The following ELF2 variants were observed in gnomAD, a reference collection of about 807,000 sequenced individuals.
The protein encoded by ELF2 is ETS-related transcription factor Elf-2.
Under a neutral mutation model 54.8 loss-of-function variants are expected in ELF2, and 11 were observed. That is an observed-to-expected ratio of 0.20 (90% CI 0.13 to 0.33). The LOEUF (loss-of-function observed/expected upper bound fraction) is 0.33. Ranked by LOEUF, ELF2 falls within the 10% of genes least tolerant of loss-of-function variation. The pLI is 1.00. For missense variants in ELF2, 513 were observed against 703.0 expected (o/e 0.73, Z 3.06); for synonymous variants, 203 against 245.1 (o/e 0.83, Z 1.61).
rs376710076 is a variant in ELF2, at chr4:139,059,331, C to G, written c.1434G>C (p.Leu478=). The part of the protein sequence containing the change: ...AQCQLQTKSN[L]TGSGSINIVG... ...CAATGTTAATGCTTCCTGATCCAGT[C>G]AGATTTGACTTTGTCTGCAGTTGAC... The change falls in exon 10 of 10, where the codon CTG becomes CTC. Residue 478 remains leucine (L), a synonymous_variant. Coordinates refer to ENST00000686138, the MANE Select transcript of ELF2 (RefSeq NM_001331036.3). The G allele has an allele frequency of 5.6e-6, 9 of 1,613,956 alleles. No individual in the cohort carries two copies. Among genetic ancestry groups the G allele is most frequent in the Middle Eastern group, 1.7e-4 (1 of 6,056 alleles).
rs1738329455 is a variant in ELF2 at position 139,137,756 on chromosome 4, C to T, written c.-55G>A. 1.9e-6 allele frequency: 3 copies of T among 1,608,812 alleles called. No homozygotes were observed. The highest frequency in any genetic ancestry group is 1.7e-5 in the Admixed American group (1 of 59,432). On this transcript the variant is annotated 5_prime_UTR_variant, in exon 3 of 10. It adds an upstream start codon to the 5' untranslated region. Transcript: ENST00000686138. ...ATTAATCAATGAAATTAAAGGTTCA[C>T]TGATGGTTGCCAGTGTTATAGGTTT...
At chr4:139,096,123 A>G (rs1733253809) in intron 4 of ELF2, among the ~76,000 whole-genome samples, 1 of 152,212 alleles carries the variant, frequency 6.6e-6, no homozygotes, top group Admixed American at 6.5e-5. Flanking sequence ...ATACAAAAAA[A>G]GAACATTTGT....
intron 1 of ELF2, among the ~76,000 whole-genome samples, chr4:139,162,088 C>T (rs779509748): frequency 1.3e-5 from 2 of 152,000 alleles, no homozygotes; most frequent in African/African-American, 2.4e-5. Flanking sequence ...AGCGAGACTC[C>T]GTCTCAAAAA....
At chr4:139,118,329 A>C (rs1393962252) in intron 4 of ELF2, among the ~76,000 whole-genome samples, 1 of 152,224 alleles carries the variant, frequency 6.6e-6, no homozygotes, top group Admixed American at 6.5e-5. Context: ...TGTAGACCAC[A>C]ATCATTGTGG....
At chr4:139,169,070 G>A (rs564428489) in intron 1 of ELF2, among the ~76,000 whole-genome samples, 9 of 151,892 alleles carry the variant, frequency 5.9e-5, no homozygotes, top group East Asian at 2.0e-4. Context: ...TTGGGAGGCC[G>A]AGACAGGCAG....
At chr4:139,114,638 CTTTCTTTTTTTTTTTT>C (rs1486109870) in intron 4 of ELF2, among the ~76,000 whole-genome samples, 1 of 56,144 alleles carries the variant, frequency 1.8e-5, no homozygotes, top group East Asian at 5.6e-4. Flanking sequence ...TTTTTTTTTT[CTTTCTTTTTTTTTTTT>C]TTTTTTGCAC....
At position 139,142,297 on chromosome 4, in the gene ELF2, CT is replaced by C. The variant is rs567714079; in HGVS notation, c.-251-2801del. Among the ~76,000 whole-genome samples the C allele has an allele frequency of 5.3e-5, 8 of 152,230 alleles. No individual in the cohort carries two copies. In the East Asian group the frequency reaches 9.7e-4, roughly 18 times the overall value. ...TTGTGGCAATGCCTGGCACAAGAGC[CT>C]TCTAGTCAAAAGAAATTCAACACCC... On this transcript the variant is annotated intron_variant, in intron 1 of 9. Transcript: ENST00000686138.
Position 139,067,686 on chromosome 4 carries a change from T to C in ELF2, c.611A>G (p.Lys204Arg). 1 of 1,612,020 alleles carries C rather than the reference T, an allele frequency of 6.2e-7. No individual in the cohort carries two copies. The highest frequency in any genetic ancestry group is 8.5e-7 in the Non-Finnish European group (1 of 1,178,552). Residue 204 changes from lysine to arginine, a missense_variant and splice_region_variant, in exon 7 of 10, where the codon AAA (lysine) becomes AGA (arginine). Transcript: ENST00000686138. ...LGIKKKPREGKGNTTYLWEFL... is the reference protein window; with the variant it reads ...LGIKKKPREGRGNTTYLWEFL... Reference sequence around the variant, plus strand: ...CAAAGCAACCCTCCCCAAATTACCTTTTCCTTCTCTTGGTTTCTTCTTTAT... The same window carrying C: ...CAAAGCAACCCTCCCCAAATTACCTCTTCCTTCTCTTGGTTTCTTCTTTAT...
At chr4:139,073,636 A>C (rs1159836441) in intron 4 of ELF2, 69 bp from the exon 5 acceptor site, 17 of 803,456 alleles carry the variant, frequency 2.1e-5, no homozygotes, top group African/African-American at 1.9e-4. Context: ...ATTACTAAGA[A>C]ATAAACATAT....
intron 7 of ELF2, chr4:139,066,061 T>C (rs1728665337): frequency 6.7e-6 from 1 of 148,244 alleles, no homozygotes; most frequent in Non-Finnish European, 1.5e-5. Context: ...AATTTCTTGG[T>C]AGGCTTACTG....
intron 1 of ELF2, among the ~76,000 whole-genome samples, chr4:139,161,831 C>T (rs1355604797): frequency 1.3e-5 from 2 of 151,542 alleles, no homozygotes; most frequent in Admixed American, 1.3e-4. Flanking sequence ...TTAGGCCAGG[C>T]GCAGTGTAAT....
chr4:139,142,858 C>A (rs554413302), intron 1 of ELF2, among the ~76,000 whole-genome samples: 57 of 145,330 alleles, frequency 3.9e-4, no homozygotes, highest in African/African-American at 1.4e-3. Context: ...CAGAGTGAGA[C>A]CTTGTCTCAA....
chr4:139,084,403 C>T lies in ELF2; in HGVS notation c.239-10836G>A, dbSNP rs1431522864. The T allele has an allele frequency of 4.9e-6, 7 of 1,415,900 alleles. No homozygotes were observed. In the African/African-American group the frequency reaches 7.2e-5, roughly 15 times the overall value. 87.7% of individuals were successfully genotyped at this position (1,415,900 alleles called of 1,614,324 possible). On this transcript the variant is annotated intron_variant, in intron 4 of 9. Coordinates refer to ENST00000686138, the MANE Select transcript of ELF2 (RefSeq NM_001331036.3). ...CCCGCCGCCGGGCTGAGAAACCCCA[C>T]CACCTAACGGCAGGGGCAGGGGCGG...
intron 4 of ELF2, among the ~76,000 whole-genome samples, chr4:139,110,345 TG>T (rs1421855775): frequency 6.6e-6 from 1 of 152,182 alleles, no homozygotes; most frequent in Non-Finnish European, 1.5e-5. Flanking sequence ...GACAGACATC[TG>T]TAAGGCAGCT....
intron 1 of ELF2, among the ~76,000 whole-genome samples, chr4:139,148,772 C>G (rs1024946752): frequency 4.6e-5 from 7 of 151,940 alleles, no homozygotes; most frequent in African/African-American, 7.3e-5. Context: ...TGCTAGAACA[C>G]AGTAACTGTA....
At chr4:139,103,390 C>T (rs962422076) in intron 4 of ELF2, among the ~76,000 whole-genome samples, 3 of 152,212 alleles carry the variant, frequency 2.0e-5, no homozygotes, top group Non-Finnish European at 4.4e-5. Context: ...TTCAGCCCCA[C>T]TCCCAACCTC....
chr4:139,157,354 G>A (rs1447414014), intron 1 of ELF2, among the ~76,000 whole-genome samples: 1 of 151,970 alleles, frequency 6.6e-6, no homozygotes, highest in Non-Finnish European at 1.5e-5. Flanking sequence ...ACACACACAC[G>A]GAGGTAAGAA....
chr4:139,097,518 G>A (rs1159298121), intron 4 of ELF2, among the ~76,000 whole-genome samples: 1 of 151,538 alleles, frequency 6.6e-6, no homozygotes, highest in African/African-American at 2.4e-5. Context: ...TCGGGAGGCT[G>A]AGGCAGGAGA....
chr4:139,089,594 T>C (rs1732371862), intron 4 of ELF2, among the ~76,000 whole-genome samples: 1 of 152,226 alleles, frequency 6.6e-6, no homozygotes. Context: ...TTTTACATGC[T>C]CTAGGTACAT....
Sources: gnomAD v4.1 joint callset for allele counts (sites outside exome capture counted in the v4.1 genomes callset) on GRCh38, gnomAD v4.1.1 for gene constraint, MANE v1.5 for transcripts, NCBI Gene and HGNC (gene_info 2026-07-23, HGNC 2026-07-21) for gene names.